KLHL1: variants seen among roughly 807,000 people sequenced by gnomAD.
KLHL1 encodes the protein kelch-like protein 1.
KLHL1 carries 47 observed loss-of-function variants against 77.7 expected under a neutral mutation model. The observed-to-expected ratio is 0.60, with a 90% CI of 0.48 to 0.77. KLHL1 has a LOEUF of 0.77. Ranked by LOEUF, KLHL1 falls within the 30% of genes least tolerant of loss-of-function variation. KLHL1 has a pLI of 0.00. For synonymous variants in KLHL1, 360 were observed against 325.2 expected, an observed-to-expected ratio of 1.11 and a Z score of -1.15; for missense variants, 925 against 910.8, an observed-to-expected ratio of 1.02 and a Z score of -0.20.
intron 7 of KLHL1, among the ~76,000 whole-genome samples, chr13:69,761,787 G>T (rs1302390588): frequency 6.6e-6 from 1 of 152,130 alleles, no homozygotes; most frequent in East Asian, 1.9e-4. Flanking sequence ...TGGCTGCCTG[G>T]TTTTTCCTGA....
chr13:70,105,978 A>T (rs1888045351), intron 1 of KLHL1, among the ~76,000 whole-genome samples: 1 of 150,644 alleles, frequency 6.6e-6, no homozygotes, highest in Non-Finnish European at 1.5e-5. Context: ...TGAAAATTAA[A>T]ATTAAAAAAT....
At chr13:69,740,081 A>C (rs1873921415) in intron 8 of KLHL1, among the ~76,000 whole-genome samples, 1 of 152,218 alleles carries the variant, frequency 6.6e-6, no homozygotes, top group African/African-American at 2.4e-5. Flanking sequence ...TAGTGTAATT[A>C]TGTAAAGAAA....
chr13:69,723,900 T>C (rs946232970), intron 8 of KLHL1, among the ~76,000 whole-genome samples: 21 of 150,572 alleles, frequency 1.4e-4, no homozygotes, highest in African/African-American at 4.9e-4. Flanking sequence ...TGGAATGCAG[T>C]GATCTTGGCT....
At chr13:69,875,294 A>G (rs895061528) in intron 5 of KLHL1, among the ~76,000 whole-genome samples, 1 of 152,144 alleles carries the variant, frequency 6.6e-6, no homozygotes, top group South Asian at 2.1e-4. Flanking sequence ...GAGAGCTGGA[A>G]TAGTGAAAAT....
intron 6 of KLHL1, among the ~76,000 whole-genome samples, chr13:69,837,938 G>A (rs1280274460): frequency 6.6e-6 from 1 of 151,298 alleles, no homozygotes; most frequent in African/African-American, 2.4e-5. Flanking sequence ...TTATTCTCTT[G>A]ATTTGCTATG....
chr13:69,985,748 G>T (rs937309154), intron 1 of KLHL1, among the ~76,000 whole-genome samples: 2 of 146,488 alleles, frequency 1.4e-5, no homozygotes, highest in Non-Finnish European at 3.0e-5. Flanking sequence ...TTCATCAAAG[G>T]CTAAATGGAT....
At chr13:70,023,352 G>A (rs528439911) in intron 1 of KLHL1, among the ~76,000 whole-genome samples, 17 of 151,812 alleles carry the variant, frequency 1.1e-4, no homozygotes, top group African/African-American at 3.9e-4. Context: ...TGAAACACTT[G>A]GTAGTGTGTT....
intron 4 of KLHL1, among the ~76,000 whole-genome samples, chr13:69,914,593 T>C (rs1232779297): frequency 6.6e-6 from 1 of 152,208 alleles, no homozygotes; most frequent in South Asian, 2.1e-4. Flanking sequence ...CTAAAAATGT[T>C]ATTTTGCCAG....
chr13:69,786,746 A>G (rs1007729505), intron 7 of KLHL1, among the ~76,000 whole-genome samples: 1 of 152,212 alleles, frequency 6.6e-6, no homozygotes, highest in African/African-American at 2.4e-5. Context: ...ATGATTGTAT[A>G]TCTAGAAAAC....
intron 6 of KLHL1, among the ~76,000 whole-genome samples, chr13:69,809,755 T>C (rs1877782550): frequency 1.3e-5 from 2 of 151,550 alleles, no homozygotes; most frequent in Admixed American, 6.6e-5. Context: ...AGAGGTAAAT[T>C]GGATTAAAAA....
intron 7 of KLHL1, among the ~76,000 whole-genome samples, chr13:69,753,561 A>G (rs9542073): frequency 0.16 from 25,080 of 152,092 alleles, 2,685 homozygotes; most frequent in African/African-American, 0.28. Flanking sequence ...AGTAGGGCCA[A>G]ATCTAGATTT....
At chr13:69,910,381 T>G (rs1882196778) in intron 4 of KLHL1, among the ~76,000 whole-genome samples, 1 of 152,112 alleles carries the variant, frequency 6.6e-6, no homozygotes. Flanking sequence ...AGTCATTTCT[T>G]GTCTAATTTT....
intron 4 of KLHL1, among the ~76,000 whole-genome samples, chr13:69,915,560 A>T (rs1383515246): frequency 6.6e-6 from 1 of 152,198 alleles, no homozygotes; most frequent in Non-Finnish European, 1.5e-5. Context: ...CTGAAACTGG[A>T]TCCCTTCCTT....
chr13:69,855,288 TTAGA>T (rs200890874), intron 5 of KLHL1, among the ~76,000 whole-genome samples: 13,976 of 141,696 alleles, frequency 0.099, 756 homozygotes, highest in South Asian at 0.11. Flanking sequence ...CGTACTAATT[TTAGA>T]TAGATAGATA....
At chr13:69,705,218 T>A (rs569594411) in intron 10 of KLHL1, among the ~76,000 whole-genome samples, 2 of 119,490 alleles carry the variant, frequency 1.7e-5, no homozygotes, top group East Asian at 3.9e-4. Context: ...ACGTGCATTA[T>A]TTTTTTCAAA....
intron 1 of KLHL1, among the ~76,000 whole-genome samples, chr13:70,041,970 T>C (rs1369378680): frequency 6.6e-6 from 1 of 152,150 alleles, no homozygotes; most frequent in Admixed American, 6.5e-5. Context: ...CTTTGTTTGT[T>C]TCCTGTTGTG....
At chr13:69,781,712 T>A (rs1247983756) in intron 7 of KLHL1, among the ~76,000 whole-genome samples, 1 of 152,182 alleles carries the variant, frequency 6.6e-6, no homozygotes, top group Non-Finnish European at 1.5e-5. Context: ...AATCCGTTTT[T>A]TTGTCACTCA....
In KLHL1 at chr13:70,052,233, T is replaced by C. The variant is rs1376145919; in HGVS notation, c.497+54970A>G. ...ATGGTAATATGAGTTAGGTCTCCTG[T>C]CGGTGTAGCATATTTATTACTCTTT... On this transcript the variant is annotated intron_variant, in intron 1 of 10. Coordinates refer to ENST00000377844, the MANE Select transcript of KLHL1 (RefSeq NM_020866.3). Among the ~76,000 whole-genome samples, 5 of 151,906 alleles carry C rather than the reference T, an allele frequency of 3.3e-5. No homozygotes were observed. In the East Asian group the frequency reaches 9.7e-4, roughly 29 times the overall value.
At chr13:69,966,511 T>C (rs1021553422) in intron 2 of KLHL1, among the ~76,000 whole-genome samples, 3 of 152,196 alleles carry the variant, frequency 2.0e-5, no homozygotes, top group African/African-American at 7.2e-5. Context: ...TAATGTTGTC[T>C]TTAGGCCTGC....
Sources: allele counts gnomAD v4.1 joint callset (sites outside exome capture counted in the v4.1 genomes callset), GRCh38; gene constraint gnomAD v4.1.1; transcripts MANE v1.5; gene names NCBI Gene and HGNC (gene_info 2026-07-23, HGNC 2026-07-21).